The following ASTN2 variants were observed in gnomAD, a reference collection of about 807,000 sequenced individuals.
ASTN2 encodes the protein astrotactin 2.
In ASTN2, 54 loss-of-function variants were observed where a neutral mutation model predicts 139.8. The observed-to-expected ratio is 0.39, with a 90% CI of 0.31 to 0.48. The LOEUF (loss-of-function observed/expected upper bound fraction) is 0.48, where lower values mean the gene tolerates loss of function less well. Among genes scored for constraint, ASTN2 ranks in the 20% least tolerant of loss-of-function variants. The pLI, the probability that ASTN2 is intolerant of heterozygous loss-of-function variation, is 0.95. For missense variants in ASTN2, 1,565 were observed against 1,725.1 expected, an observed-to-expected ratio of 0.91 and a Z score of 1.64; for synonymous variants, 756 against 719.5, an observed-to-expected ratio of 1.05 and a Z score of -0.81.
In ASTN2 at chr9:116,620,458, A is replaced by G; in HGVS notation, c.3073-15T>C. ...CTCTTGAAGGCCTGGACAAAAAAAG[A>G]GGACAGAATAGACAATGATGACAAC... On this transcript the variant is annotated splice_polypyrimidine_tract_variant and intron_variant, in intron 17 of 22. Transcript: ENST00000313400. 6.2e-7 allele frequency: 1 copy of G among 1,613,960 alleles called. No homozygotes were observed. Among genetic ancestry groups the G allele is most frequent in the Non-Finnish European group, 8.5e-7 (1 of 1,180,004 alleles).
intron 19 of ASTN2, among the ~76,000 whole-genome samples, chr9:116,519,567 T>C (rs1368870675): frequency 6.6e-6 from 1 of 151,968 alleles, no homozygotes. Context: ...TGAAAGAGCA[T>C]AAATTGACAA....
chr9:116,944,082 G>GTCTCATTT (rs1835311393), intron 10 of ASTN2, among the ~76,000 whole-genome samples: 1 of 151,750 alleles, frequency 6.6e-6, no homozygotes. Flanking sequence ...ATATGAGCTC[G>GTCTCATTT]TCTCATTTTT....
chr9:116,817,538 A>T (rs983876849), intron 12 of ASTN2, among the ~76,000 whole-genome samples: 1 of 152,164 alleles, frequency 6.6e-6, no homozygotes. Context: ...TGAAACCAGG[A>T]GGCTTAACTT....
chr9:117,256,403 T>C (rs1021232630), intron 2 of ASTN2, among the ~76,000 whole-genome samples: 3 of 152,166 alleles, frequency 2.0e-5, no homozygotes, highest in Non-Finnish European at 2.9e-5. Flanking sequence ...TTTTACTATA[T>C]CTCACACATA....
At chr9:117,103,717 G>A (rs72760119) in intron 4 of ASTN2, among the ~76,000 whole-genome samples, 2 of 152,218 alleles carry the variant, frequency 1.3e-5, no homozygotes, top group Non-Finnish European at 2.9e-5. Context: ...CAGTGATATT[G>A]CATTTTTAGA....
intron 20 of ASTN2, among the ~76,000 whole-genome samples, chr9:116,465,950 T>C (rs564476313): frequency 1.0e-4 from 14 of 140,490 alleles, no homozygotes; most frequent in African/African-American, 2.9e-4. Context: ...TGGTGGCTTA[T>C]TGTACTTTCT....
intron 19 of ASTN2, chr9:116,613,733 A>T (rs1855681107): frequency 6.6e-6 from 1 of 152,210 alleles, no homozygotes; most frequent in Admixed American, 6.5e-5. Context: ...TCTCAAAATA[A>T]TAAGAGCTAT....
chr9:117,214,346 T>A lies in ASTN2; in HGVS notation c.1015+12A>T. 1 of 1,566,372 alleles carries A rather than the reference T, an allele frequency of 6.4e-7. No individual in the cohort carries two copies. Among genetic ancestry groups the A allele is most frequent in the Non-Finnish European group, 8.7e-7 (1 of 1,145,818 alleles). ...GCCCCCTGGAAAATGGGCTGTGACATGGAGGACTCACCTTTCTTCTCAAAG... is the reference window on the plus strand; with the variant it reads ...GCCCCCTGGAAAATGGGCTGTGACAAGGAGGACTCACCTTTCTTCTCAAAG... On this transcript the variant is annotated intron_variant, in intron 3 of 22. Transcript: ENST00000313400.
chr9:116,554,410 C>T lies in ASTN2; in HGVS notation c.3355+63914G>A, dbSNP rs141936424. Among the ~76,000 whole-genome samples the T allele has an allele frequency of 6.6e-3, 1,008 of 152,260 alleles. 6 individuals carry two copies. The highest frequency in any genetic ancestry group is 0.012 in the Non-Finnish European group (790 of 68,020). Reference sequence around the variant, plus strand: ...TCACAGGTTTGCTGTGATCAGAAGCCGGTCCTTTCCATAGTAAAAATCATT... The same window carrying T: ...TCACAGGTTTGCTGTGATCAGAAGCTGGTCCTTTCCATAGTAAAAATCATT... On this transcript the variant is annotated intron_variant, in intron 19 of 22. Transcript: ENST00000313400.
chr9:116,604,970 G>A (rs1322718193), intron 19 of ASTN2, among the ~76,000 whole-genome samples: 1 of 151,950 alleles, frequency 6.6e-6, no homozygotes. Context: ...TCATATCAGA[G>A]CCAGCTTAGA....
intron 10 of ASTN2, among the ~76,000 whole-genome samples, chr9:116,968,571 T>C (rs1359653990): frequency 1.3e-5 from 2 of 152,098 alleles, no homozygotes; most frequent in African/African-American, 4.8e-5. Flanking sequence ...CTGCCATGCA[T>C]CCCTTGGCAC....
rs938534553 is a variant in ASTN2 at position 116,443,349 on chromosome 9, T to C, written c.3498-796A>G. ...CCAGTGTGGCTGGAACAAAGGGAAA[T>C]GAGGTAGAAGGTCGGTGGGAACCTT... On this transcript the variant is annotated intron_variant, in intron 20 of 22. Transcript: ENST00000313400. Among the ~76,000 whole-genome samples, 7 of 152,070 alleles carry C rather than the reference T, an allele frequency of 4.6e-5. No homozygotes were observed. In the South Asian group the frequency reaches 1.5e-3, roughly 32 times the overall value.
chr9:116,827,713 A>T (rs1831677268), intron 11 of ASTN2, among the ~76,000 whole-genome samples: 1 of 152,144 alleles, frequency 6.6e-6, no homozygotes, highest in African/African-American at 2.4e-5. Flanking sequence ...CCGAACAATA[A>T]TGACTACTGA....
intron 16 of ASTN2, among the ~76,000 whole-genome samples, chr9:116,678,463 G>T (rs767111365): frequency 3.3e-5 from 5 of 152,166 alleles, no homozygotes; most frequent in Non-Finnish European, 7.4e-5. Context: ...TACATATAAG[G>T]TGTGTAGGGA....
At chr9:116,514,912 G>A (rs971293245) in intron 19 of ASTN2, among the ~76,000 whole-genome samples, 1 of 152,132 alleles carries the variant, frequency 6.6e-6, no homozygotes, top group African/African-American at 2.4e-5. Flanking sequence ...TGCTTGGCTA[G>A]GAAAGGGAAT....
At chr9:116,870,743 G>A (rs1456583595) in intron 10 of ASTN2, among the ~76,000 whole-genome samples, 4 of 152,190 alleles carry the variant, frequency 2.6e-5, no homozygotes. Context: ...GATGCAGGGT[G>A]AGCATTAGGC....
chr9:116,647,016 C>T (rs1857623709), intron 17 of ASTN2, among the ~76,000 whole-genome samples: 1 of 152,124 alleles, frequency 6.6e-6, no homozygotes, highest in Admixed American at 6.5e-5. Context: ...GGCATTCTAC[C>T]AGCAATGTTC....
chr9:116,728,378 G>A (rs1828689314), intron 15 of ASTN2, among the ~76,000 whole-genome samples: 1 of 152,062 alleles, frequency 6.6e-6, no homozygotes, highest in African/African-American at 2.4e-5. Context: ...TATAGTATAT[G>A]TTCCCAAGAC....
At chr9:117,383,593 A>G (rs1387098776) in intron 1 of ASTN2, among the ~76,000 whole-genome samples, 3 of 152,196 alleles carry the variant, frequency 2.0e-5, no homozygotes, top group African/African-American at 7.2e-5. Flanking sequence ...ATGAACTTGA[A>G]GAATGAATTC....
Sources: allele counts gnomAD v4.1 joint callset (sites outside exome capture counted in the v4.1 genomes callset), GRCh38; gene constraint gnomAD v4.1.1; transcripts MANE v1.5; gene names NCBI Gene and HGNC (gene_info 2026-07-23, HGNC 2026-07-21).